The following FERRY3 variants were observed in gnomAD, a reference collection of about 807,000 sequenced individuals.
FERRY3 encodes the protein FERRY endosomal RAB5 effector complex subunit 3.
chr12:4,537,326 C>T, the FERRY3 span, among the ~76,000 whole-genome samples: 1 of 152,204 alleles, frequency 6.6e-6, no homozygotes, highest in Non-Finnish European at 1.5e-5. Context: ...GACAGGCTCT[C>T]ATATTAGCCT....
At chr12:4,529,258 C>T in the FERRY3 span, among the ~76,000 whole-genome samples, 1 of 152,052 alleles carries the variant, frequency 6.6e-6, no homozygotes, top group Admixed American at 6.5e-5. Flanking sequence ...ATCCATACAG[C>T]AGGAATTCAA....
chr12:4,501,642 C>T, the FERRY3 span, among the ~76,000 whole-genome samples: 1 of 152,200 alleles, frequency 6.6e-6, no homozygotes, highest in Non-Finnish European at 1.5e-5. Context: ...TGATCTGTCA[C>T]TGTCTCCCAT....
At chr12:4,536,893 T>G in the FERRY3 span, among the ~76,000 whole-genome samples, 1 of 152,200 alleles carries the variant, frequency 6.6e-6, no homozygotes, top group Non-Finnish European at 1.5e-5. Flanking sequence ...TCCCATCAAA[T>G]CAGTTCTTAC....
the FERRY3 span, among the ~76,000 whole-genome samples, chr12:4,538,051 G>A: frequency 2.4e-4 from 36 of 147,502 alleles, no homozygotes; most frequent in South Asian, 7.0e-3. Flanking sequence ...CAGGAATGTT[G>A]AAAAAAAAAA....
the FERRY3 span, among the ~76,000 whole-genome samples, chr12:4,506,125 A>C: frequency 6.6e-6 from 1 of 152,168 alleles, no homozygotes; most frequent in South Asian, 2.1e-4. Flanking sequence ...TATATATTTT[A>C]ATAAAAGAGA....
the FERRY3 span, among the ~76,000 whole-genome samples, chr12:4,532,709 A>G: frequency 6.6e-6 from 1 of 151,904 alleles, no homozygotes; most frequent in African/African-American, 2.4e-5. Context: ...AAGTTTCTCA[A>G]TGTTTTCATT....
chr12:4,509,778 T>TA, the FERRY3 span, among the ~76,000 whole-genome samples: 3 of 139,490 alleles, frequency 2.2e-5, no homozygotes, highest in South Asian at 4.4e-4. Flanking sequence ...CAAAAGTAGA[T>TA]AAAACCACAA....
the FERRY3 span, among the ~76,000 whole-genome samples, chr12:4,535,637 T>C: frequency 1.3e-5 from 2 of 152,258 alleles, no homozygotes; most frequent in African/African-American, 2.4e-5. This position sits in a 1 kb window ranked among gnomAD's most constrained non-coding sequence, Gnocchi z 4.0. Context: ...TTCTGTTCTA[T>C]GGCATCTCAG....
the FERRY3 span, chr12:4,502,362 A>G: frequency 2.2e-6 from 1 of 447,402 alleles, no homozygotes; most frequent in African/African-American, 2.0e-5. This position sits in a 1 kb window ranked among gnomAD's most constrained non-coding sequence, Gnocchi z 4.2. Context: ...TGAGTATTTA[A>G]GGCTGAACGC....
At chr12:4,508,875 T>C in the FERRY3 span, 2 of 152,360 alleles carry the variant, frequency 1.3e-5, no homozygotes, top group African/African-American at 2.4e-5. Context: ...AAATGACTAT[T>C]ACCCTAATAT....
At chr12:4,530,000 A>G in the FERRY3 span, 1 of 1,613,354 alleles carries the variant, frequency 6.2e-7, no homozygotes, top group Non-Finnish European at 8.5e-7. Context: ...ACACATCTGC[A>G]AAATCTTCAT....
At chr12:4,497,320 T>C in the FERRY3 span, among the ~76,000 whole-genome samples, 4 of 152,184 alleles carry the variant, frequency 2.6e-5, no homozygotes, top group African/African-American at 9.7e-5. Flanking sequence ...TCCATAATTT[T>C]TGAGATGAAA....
chr12:4,523,161 C>T, the FERRY3 span, among the ~76,000 whole-genome samples: 1 of 152,166 alleles, frequency 6.6e-6, no homozygotes, highest in Non-Finnish European at 1.5e-5. Flanking sequence ...TTTTATCAAT[C>T]ACATATAAGG....
the FERRY3 span, among the ~76,000 whole-genome samples, chr12:4,512,383 C>G: frequency 8.5e-5 from 13 of 152,354 alleles, no homozygotes; most frequent in Non-Finnish European, 1.3e-4. Context: ...CTCCCTAACT[C>G]ATTTTATGAG....
chr12:4,524,583 A>G, the FERRY3 span, among the ~76,000 whole-genome samples: 12 of 152,306 alleles, frequency 7.9e-5, no homozygotes, highest in African/African-American at 2.6e-4. Flanking sequence ...TATAGCATAC[A>G]CTGGCATATG....
the FERRY3 span, among the ~76,000 whole-genome samples, chr12:4,501,225 TCA>T: frequency 6.6e-6 from 1 of 152,226 alleles, no homozygotes; most frequent in African/African-American, 2.4e-5. Context: ...CTGTAATTTC[TCA>T]CCTAGGTTTT....
the FERRY3 span, among the ~76,000 whole-genome samples, chr12:4,527,706 G>A: frequency 3.4e-3 from 521 of 152,000 alleles, 3 homozygotes; most frequent in African/African-American, 0.011. Context: ...ACCTACCAGA[G>A]GAATACAGCT....
At chr12:4,527,675 T>G in the FERRY3 span, among the ~76,000 whole-genome samples, 3 of 152,176 alleles carry the variant, frequency 2.0e-5, no homozygotes, top group African/African-American at 4.8e-5. Flanking sequence ...AGTCATACTG[T>G]TCACCTTTGC....
At chr12:4,538,222 A>T in the FERRY3 span, among the ~76,000 whole-genome samples, 7 of 152,226 alleles carry the variant, frequency 4.6e-5, no homozygotes, top group Admixed American at 2.6e-4. Flanking sequence ...GGTTTCCCAT[A>T]AGAAAATGGG....
Sources: gnomAD v4.1 joint callset for allele counts (sites outside exome capture counted in the v4.1 genomes callset) on GRCh38, gnomAD v4.1.1 for gene constraint, Gnocchi (gnomAD v3.1) non-coding constraint, MANE v1.5 for transcripts, NCBI Gene and HGNC (gene_info 2026-07-23, HGNC 2026-07-21) for gene names.